The following SNRPC variants were observed in gnomAD, a reference collection of about 807,000 sequenced individuals.
SNRPC encodes the protein U1 small nuclear ribonucleoprotein C.
In SNRPC, 5 loss-of-function variants were observed where a neutral mutation model predicts 20.0. That is an observed-to-expected ratio of 0.25 (90% CI 0.13 to 0.53). SNRPC has a LOEUF of 0.53. Among genes scored for constraint, SNRPC ranks in the 20% least tolerant of loss-of-function variants. The pLI, the probability that SNRPC is intolerant of heterozygous loss-of-function variation, is 0.96. For synonymous variants in SNRPC, 61 were observed against 58.7 expected (o/e 1.04, Z -0.18); for missense variants, 112 against 224.1 (o/e 0.50, Z 3.19).
chr6:34,771,338 A>G (rs1764688263), intron 5 of SNRPC, among the ~76,000 whole-genome samples: 1 of 150,258 alleles, frequency 6.7e-6, no homozygotes, highest in African/African-American at 2.5e-5. Context: ...CAAAAAAAAA[A>G]AAAAAAAAAA....
intron 2 of SNRPC, among the ~76,000 whole-genome samples, chr6:34,762,361 A>T (rs1167624721): frequency 1.3e-5 from 2 of 151,162 alleles, no homozygotes; most frequent in Non-Finnish European, 2.9e-5. Flanking sequence ...CTTTTTTTTT[A>T]AAACACAAAA....
rs1581590187 is a variant in SNRPC at position 34,763,113 on chromosome 6, A to C, written c.160+410A>C. Among the ~76,000 whole-genome samples the C allele has an allele frequency of 2.0e-5, 3 of 152,148 alleles. No individual in the cohort carries two copies. In the East Asian group the frequency reaches 5.8e-4, roughly 29 times the overall value. On this transcript the variant is annotated intron_variant, in intron 3 of 5. Transcript: ENST00000244520. The stretch of plus-strand genomic sequence containing the variant: ...CCCCAAATAGTTTGAGACTATATTT[A>C]GATTTCTTATTTGTAGTCCTGATAG...
At chr6:34,762,981 C>T (rs769281604) in intron 3 of SNRPC, among the ~76,000 whole-genome samples, 15 of 152,118 alleles carry the variant, frequency 9.9e-5, no homozygotes, top group East Asian at 1.9e-4. Flanking sequence ...TTGGCACAGA[C>T]GAGATTTTGT....
intron 3 of SNRPC, among the ~76,000 whole-genome samples, chr6:34,763,232 C>T (rs763202488): frequency 6.6e-6 from 1 of 152,132 alleles, no homozygotes; most frequent in Non-Finnish European, 1.5e-5. Context: ...TTGTTAGGAA[C>T]ATTTTGTTCT....
chr6:34,760,141 C>G (rs868143902), intron 2 of SNRPC, among the ~76,000 whole-genome samples: 176 of 107,884 alleles, frequency 1.6e-3, no homozygotes, highest in Middle Eastern at 7.1e-3. Flanking sequence ...GAGATGGAGT[C>G]TTGCTTTATT....
chr6:34,762,189 A>G (rs575158236), intron 2 of SNRPC, among the ~76,000 whole-genome samples: 8 of 152,228 alleles, frequency 5.3e-5, no homozygotes, highest in African/African-American at 1.9e-4. Context: ...CTCTAGTCCC[A>G]GCAACTCAGG....
At chr6:34,767,031 A>AT (rs984805671) in intron 3 of SNRPC, among the ~76,000 whole-genome samples, 1 of 152,050 alleles carries the variant, frequency 6.6e-6, no homozygotes, top group Non-Finnish European at 1.5e-5. Flanking sequence ...TGAAAAAAAA[A>AT]TTTTTAAATT....
chr6:34,772,727 T>C (rs1189909270), intron 5 of SNRPC, among the ~76,000 whole-genome samples: 1 of 152,164 alleles, frequency 6.6e-6, no homozygotes, highest in Non-Finnish European at 1.5e-5. Context: ...AGTAGAACAT[T>C]ATCAATTCCA....
intron 5 of SNRPC, among the ~76,000 whole-genome samples, chr6:34,770,704 T>C (rs1409863206): frequency 6.6e-6 from 1 of 152,252 alleles, no homozygotes; most frequent in Non-Finnish European, 1.5e-5. Context: ...GTTTTTCTTT[T>C]CCTCTCTTCT....
rs754120369 is a variant in SNRPC at position 34,762,686 on chromosome 6, G to C, written c.143G>C (p.Ser48Thr). Residue 48 changes from serine (S) to threonine (T), a missense_variant, in exon 3 of 6, where the codon AGC becomes ACC. Physicochemically the swap from Ser to Thr is moderately conservative, Grantham distance 58 (BLOSUM62 1). This residue lies in a region of SNRPC where 45 missense variants were observed against 48.6 expected (regional missense o/e 0.93). Transcript: ENST00000244520. ...AAATGGATGGAAGAGCAGGCTCAGAGCCTGATTGACAAAACAAGTATGTTT... is the reference window on the plus strand; with the variant it reads ...AAATGGATGGAAGAGCAGGCTCAGACCCTGATTGACAAAACAAGTATGTTT... ...YQKWMEEQAQ[S>T]LIDKTTAAFQ... 6.4e-7 allele frequency: 1 copy of C among 1,559,492 alleles called. No individual in the cohort carries two copies. The highest frequency in any genetic ancestry group is 1.1e-5 in the South Asian group (1 of 89,848).
In SNRPC at chr6:34,762,538, A is replaced by C. The variant is rs1764551153; in HGVS notation, c.52-57A>C. The C allele has an allele frequency of 3.3e-6, 3 of 915,526 alleles. No homozygotes were observed. The African/African-American group carries it at 5.0e-5, about 15-fold the overall frequency. The allele number at this position is 915,526 out of a possible 1,614,324, so 56.7% of individuals were successfully genotyped here. On this transcript the variant is annotated intron_variant, in intron 2 of 5. Coordinates refer to ENST00000244520, the MANE Select transcript of SNRPC (RefSeq NM_003093.3). ...ACTTATATAAAGGTAAAACTTTATT[A>C]AATTTTTAGTGTTGGACATTTGTTT...
At chr6:34,763,035 A>G (rs930726865) in intron 3 of SNRPC, among the ~76,000 whole-genome samples, 4 of 152,198 alleles carry the variant, frequency 2.6e-5, no homozygotes, top group African/African-American at 9.6e-5. Flanking sequence ...CACAGGTTTT[A>G]GAAGTATGTT....
intron 5 of SNRPC, among the ~76,000 whole-genome samples, 167 bp downstream of exon 5, chr6:34,770,562 C>T (rs1048340297): frequency 3.9e-5 from 6 of 152,196 alleles, no homozygotes; most frequent in African/African-American, 1.2e-4. Context: ...AATTAGCTGT[C>T]TAAATGTACT....
chr6:34,760,253 C>T (rs1445502814), intron 2 of SNRPC, among the ~76,000 whole-genome samples: 1 of 151,710 alleles, frequency 6.6e-6, no homozygotes, highest in East Asian at 1.9e-4. Context: ...GCTGGGATTA[C>T]AGGCCTGCAC....
chr6:34,763,009 C>A (rs1241659423), intron 3 of SNRPC, among the ~76,000 whole-genome samples: 1 of 152,136 alleles, frequency 6.6e-6, no homozygotes, highest in African/African-American at 2.4e-5. Flanking sequence ...TTCTATAAAG[C>A]CCCTTTGTAG....
rs1305303325 is a variant in SNRPC at position 34,773,237 on chromosome 6, G to A, written c.356-209G>A. Among the ~76,000 whole-genome samples, 2 of 152,150 alleles carry A rather than the reference G, an allele frequency of 1.3e-5. No individual in the cohort carries two copies. Among genetic ancestry groups the A allele is most frequent in the Non-Finnish European group, 2.9e-5 (2 of 68,028 alleles). ...AGATCATGATTCCCATATGGTTCTT[G>A]TGTTGACCTTTTTGTTTTTTGTTTG... On this transcript the variant is annotated intron_variant, in intron 5 of 5. Coordinates refer to ENST00000244520, the MANE Select transcript of SNRPC (RefSeq NM_003093.3). The surrounding 1 kb of genome is among the most constrained non-coding windows in gnomAD (Gnocchi z 4.1).
chr6:34,767,875 C>CTT (rs371572218), intron 3 of SNRPC, 33 bp from the exon 4 acceptor site: 24,599 of 1,330,810 alleles, frequency 0.018, 21 homozygotes, highest in South Asian at 0.034. Context: ...TCTTATTCAT[C>CTT]TTTTTTTTTT....
At position 34,759,019 on chromosome 6, in the gene SNRPC, CAAAAAAAA is replaced by C. The variant is rs755576537; in HGVS notation, c.51+1084_51+1091del. Among the ~76,000 whole-genome samples, 30 of 24,644 alleles carry C rather than the reference CAAAAAAAA, an allele frequency of 1.2e-3. No homozygotes were observed. The East Asian group carries it at 0.032, about 27-fold the overall frequency. The allele number at this position is 24,644 out of a possible 152,430, so 16.2% of individuals were successfully genotyped here. On this transcript the variant is annotated intron_variant, in intron 2 of 5. Coordinates refer to ENST00000244520, the MANE Select transcript of SNRPC (RefSeq NM_003093.3). ...TGGGCGACAGAGCGAGACTCCGTCTCAAAAAAAAAAAAAAAAAAAAAAAAAAGAAAAGA... is the reference window on the plus strand; with the variant it reads ...TGGGCGACAGAGCGAGACTCCGTCTCAAAAAAAAAAAAAAAAAAGAAAAGA...
chr6:34,763,765 G>A (rs1362244631), intron 3 of SNRPC, among the ~76,000 whole-genome samples: 1 of 150,882 alleles, frequency 6.6e-6, no homozygotes, highest in African/African-American at 2.4e-5. Context: ...TCGCCAGGCT[G>A]GAGTGCAGTG....
Sources: allele counts gnomAD v4.1 joint callset (sites outside exome capture counted in the v4.1 genomes callset), GRCh38; gene constraint gnomAD v4.1.1; regional missense constraint gnomAD v4.1.1; non-coding constraint Gnocchi (gnomAD v3.1); transcripts MANE v1.5; gene names NCBI Gene and HGNC (gene_info 2026-07-23, HGNC 2026-07-21).